PVR: variants seen among roughly 807,000 people sequenced by gnomAD.
PVR encodes PVR cell adhesion molecule.
In PVR, 39 loss-of-function variants were observed where a neutral mutation model predicts 43.3. That is an observed-to-expected ratio of 0.90 (90% CI 0.70 to 1.18). The LOEUF (loss-of-function observed/expected upper bound fraction) is 1.18, where lower values mean the gene tolerates loss of function less well. Ranked by LOEUF, PVR falls within the 50% of genes most tolerant of loss-of-function variation. The pLI, the probability that PVR is intolerant of heterozygous loss-of-function variation, is 0.00. For missense variants in PVR, 480 were observed against 549.7 expected, an observed-to-expected ratio of 0.87 and a Z score of 1.27; for synonymous variants, 224 against 233.2, an observed-to-expected ratio of 0.96 and a Z score of 0.36.
chr19:44,647,335 G>C lies in PVR; in HGVS notation c.192G>C (p.Leu64=), dbSNP rs1349565673. The change falls in exon 2 of 8, where the codon CTG becomes CTC. Residue 64 remains leucine, a synonymous_variant. Coordinates refer to ENST00000425690, the MANE Select transcript of PVR (RefSeq NM_006505.5). ...PNMEVTHVSQ[L]TWARHGESGS... ...TGGAGGTGACGCATGTGTCACAGCT[G>C]ACTTGGGCGCGGCATGGTGAATCTG... 6.2e-7 allele frequency: 1 copy of C among 1,612,948 alleles called. No homozygotes were observed. Among genetic ancestry groups the C allele is most frequent in the Admixed American group, 1.7e-5 (1 of 59,846 alleles).
Position 44,647,556 on chromosome 19 carries a change from G to A in PVR, c.413G>A (p.Trp138Ter), listed in dbSNP as rs1465952417. ...CAGGGCAGCAGGAGCGTGGATATCT[G>A]GCTCCGAGTGCTTGGTGAGCAGGGG... is the stretch of plus-strand genomic sequence containing the variant. ...FPQGSRSVDI[W>*]LRVLAKPQNT... The change falls in exon 2 of 8, where the codon TGG becomes TAG. Residue 138 changes from tryptophan (W) to a stop codon, truncating the protein, a stop_gained. Transcript: ENST00000425690. LOFTEE classifies it high-confidence loss of function. 1.2e-6 allele frequency: 2 copies of A among 1,610,274 alleles called. No homozygotes were observed. Among genetic ancestry groups the A allele is most frequent in the Non-Finnish European group, 1.7e-6 (2 of 1,177,470 alleles).
At chr19:44,654,452 T>C (rs1200469731) in intron 4 of PVR, among the ~76,000 whole-genome samples, 3 of 152,224 alleles carry the variant, frequency 2.0e-5, no homozygotes, top group Non-Finnish European at 4.4e-5. Flanking sequence ...ATCTCTGTTT[T>C]GCGGTTGAGG....
rs558273806 is a variant in PVR, at chr19:44,655,368, C to T, written c.842+1351C>T. 1.4e-4 allele frequency among the ~76,000 whole-genome samples: 21 copies of T among 152,276 alleles called. 1 individual carries two copies. In the South Asian group the frequency reaches 2.3e-3, roughly 17 times the overall value. On this transcript the variant is annotated intron_variant, in intron 4 of 7. Coordinates refer to ENST00000425690, the MANE Select transcript of PVR (RefSeq NM_006505.5). ...CCTCCTAAAGTGCTGGGATTACAGG[C>T]GTGAGCCACCTCGCCCAGCCTTAGG...
chr19:44,647,663 AGGGAGATTCCCTCCACAGCAGATCCCCTG>A, intron 2 of PVR, 93 bp downstream of exon 2: 1 of 818,090 alleles, frequency 1.2e-6, no homozygotes, highest in Non-Finnish European at 1.7e-6. Context: ...CCTGGGAGGG[AGGGAGATTCCCTCCACAGCAGATCCCCTG>A]GGGACAAAAG....
chr19:44,660,870 A>C (rs1307147178), intron 6 of PVR, among the ~76,000 whole-genome samples: 1 of 152,154 alleles, frequency 6.6e-6, no homozygotes, highest in Non-Finnish European at 1.5e-5. Context: ...TGTCCCCAGC[A>C]CCTAGAATGT....
Position 44,662,763 on chromosome 19 carries a change from CA to C in PVR, c.*953del, listed in dbSNP as rs1973620541. On this transcript the variant is annotated 3_prime_UTR_variant, in exon 8 of 8. Coordinates refer to ENST00000425690, the MANE Select transcript of PVR (RefSeq NM_006505.5). ...AGCCTTTACTGCATAGCAGACCACACAGAAGGGTGTGGGCCACCAGAGAATT... is the reference window on the plus strand; with the variant it reads ...AGCCTTTACTGCATAGCAGACCACACGAAGGGTGTGGGCCACCAGAGAATT... 1 of 152,244 alleles carries C rather than the reference CA, an allele frequency of 6.6e-6. No homozygotes were observed. Among genetic ancestry groups the C allele is most frequent in the Admixed American group, 6.5e-5 (1 of 15,272 alleles). The allele number at this position is 152,244 out of a possible 1,614,324, so 9.4% of individuals were successfully genotyped here. A position where few individuals can be genotyped will look rare whatever the true frequency, so the allele number is the denominator to read the frequency against.
chr19:44,650,130 G>T (rs1274616398), intron 3 of PVR, 25 bp downstream of exon 3: 2 of 1,506,092 alleles, frequency 1.3e-6, no homozygotes, highest in Non-Finnish European at 8.9e-7. Context: ...GTCAGCGATG[G>T]CAAGAACCCC....
intron 3 of PVR, among the ~76,000 whole-genome samples, chr19:44,652,402 G>A (rs1053464802): frequency 4.0e-5 from 6 of 151,308 alleles, no homozygotes; most frequent in Non-Finnish European, 8.8e-5. Flanking sequence ...TTTTTGTTTT[G>A]TGATGAAGTC....
At chr19:44,661,443 A>C in intron 7 of PVR, 120 bp downstream of exon 7, 1 of 1,101,374 alleles carries the variant, frequency 9.1e-7, no homozygotes, top group South Asian at 1.3e-5. Context: ...TGCCTCGAGC[A>C]GCATTTCCCA....
Position 44,661,747 on chromosome 19 carries a change from C to A in PVR, c.1190C>A (p.Ser397Tyr), listed in dbSNP as rs772962618. 3 of 1,614,036 alleles carry A rather than the reference C, an allele frequency of 1.9e-6. No homozygotes were observed. In the Admixed American group the frequency reaches 5.0e-5, roughly 27 times the overall value. The change falls in exon 8 of 8, where the codon TCC becomes TAC. Residue 397 changes from serine to tyrosine, a missense_variant. Ser to Tyr is a moderately radical substitution (Grantham distance 144, BLOSUM62 -2). Coordinates refer to ENST00000425690, the MANE Select transcript of PVR (RefSeq NM_006505.5). ...HASASANGHV[S>Y]YSAVSRENSS... ...TTGAAAACCCTCTTCTAGCATGTCTCCTATTCAGCTGTGAGCAGAGAGAAC... is the reference window on the plus strand; with the variant it reads ...TTGAAAACCCTCTTCTAGCATGTCTACTATTCAGCTGTGAGCAGAGAGAAC...
chr19:44,648,851 C>T (rs1568499704), intron 2 of PVR, among the ~76,000 whole-genome samples: 2 of 152,080 alleles, frequency 1.3e-5, no homozygotes, highest in Non-Finnish European at 2.9e-5. Context: ...GAGGGTAAAA[C>T]AGAAACAGTG....
At chr19:44,650,226 T>G in intron 3 of PVR, 121 bp downstream of exon 3, 2 of 977,700 alleles carry the variant, frequency 2.0e-6, no homozygotes, top group Admixed American at 3.2e-5. Context: ...CTCCCCTGAC[T>G]CCTGTCTACA....
At chr19:44,647,184 A>G (rs1282353177) in intron 1 of PVR, 39 bp from the exon 2 acceptor site, 1 of 1,462,710 alleles carries the variant, frequency 6.8e-7, no homozygotes, top group Non-Finnish European at 9.1e-7. Context: ...TAGTCCAAGA[A>G]CGCCCCGGGT....
chr19:44,657,411 A>G (rs965029845), intron 4 of PVR, among the ~76,000 whole-genome samples: 1 of 152,188 alleles, frequency 6.6e-6, no homozygotes, highest in Non-Finnish European at 1.5e-5. Flanking sequence ...TAGGGTTCAC[A>G]GGCGACCTCT....
intron 4 of PVR, among the ~76,000 whole-genome samples, chr19:44,655,960 C>T (rs1017822244): frequency 1.4e-5 from 2 of 144,190 alleles, no homozygotes; most frequent in Non-Finnish European, 3.0e-5. Context: ...GCCTTGAATT[C>T]CTGGGCTCAA....
intron 7 of PVR, 96 bp from the exon 8 acceptor site, chr19:44,661,644 C>T (rs148485097): frequency 1.1e-4 from 116 of 1,101,582 alleles, no homozygotes; most frequent in Middle Eastern, 5.9e-4. Context: ...GAGGAGGGGA[C>T]GGGCCTGCAG....
chr19:44,655,144 C>T (rs28714160), intron 4 of PVR, among the ~76,000 whole-genome samples: 22,987 of 152,032 alleles, frequency 0.15, 3,387 homozygotes, highest in African/African-American at 0.38. Context: ...AGTGCAGTGG[C>T]GTGATCATAG....
chr19:44,657,871 C>T lies in PVR; in HGVS notation c.952C>T (p.Leu318=), dbSNP rs203708. 3.3e-3 allele frequency: 5,320 copies of T among 1,613,916 alleles called. 172 individuals are homozygous for T. In the African/African-American group the frequency reaches 0.062, roughly 19 times the overall value. The change falls in exon 5 of 8, where the codon CTA becomes TTA. Residue 318 remains leucine, a synonymous_variant. Transcript: ENST00000425690. ...TTTAATCTGCAACGTCACCAATGCC[C>T]TAGGAGCTCGCCAGGCAGAACTGAC... The part of the protein sequence containing the change: ...TTLICNVTNA[L]GARQAELTVQ...
chr19:44,645,408 G>A (rs1390476441), intron 1 of PVR, among the ~76,000 whole-genome samples: 111,884 of 112,024 alleles, frequency 1, 55,872 homozygotes, highest in Middle Eastern at 1. Context: ...TTATTTATAT[G>A]TTTTGTGTAT....
Sources: gnomAD v4.1 joint callset for allele counts (sites outside exome capture counted in the v4.1 genomes callset) on GRCh38, gnomAD v4.1.1 for gene constraint, MANE v1.5 for transcripts, NCBI Gene and HGNC (gene_info 2026-07-23, HGNC 2026-07-21) for gene names.